DOCK8: variants seen among roughly 807,000 people sequenced by gnomAD.
DOCK8 encodes dedicator of cytokinesis protein 8.
A neutral mutation model predicts 245.6 loss-of-function variants in DOCK8; 141 were observed. The observed-to-expected ratio is 0.57, with a 90% confidence interval of 0.50 to 0.66. DOCK8 has a LOEUF of 0.66. Among genes scored for constraint, DOCK8 ranks in the 30% least tolerant of loss-of-function variants. The pLI is 0.00. For missense variants in DOCK8, 2,965 were observed against 2,603.4 expected, an observed-to-expected ratio of 1.14 and a Z score of -3.02; for synonymous variants, 1,168 against 970.2, an observed-to-expected ratio of 1.20 and a Z score of -3.79.
chr9:444,601 C>T (rs2057196057), intron 43 of DOCK8, among the ~76,000 whole-genome samples: 1 of 152,090 alleles, frequency 6.6e-6, no homozygotes, highest in Admixed American at 6.5e-5. Flanking sequence ...AATACAGTCT[C>T]CAGCCCCTCT....
At chr9:344,375 GTTC>G (rs1381964600) in intron 14 of DOCK8, among the ~76,000 whole-genome samples, 3 of 152,182 alleles carry the variant, frequency 2.0e-5, no homozygotes, top group Admixed American at 1.3e-4. Flanking sequence ...AATTTTTAGT[GTTC>G]TTCTCCAGTC....
chr9:420,604 C>G, intron 31 of DOCK8, 21 bp downstream of exon 31: 1 of 1,613,880 alleles, frequency 6.2e-7, no homozygotes, highest in Non-Finnish European at 8.5e-7. Flanking sequence ...AGTGGCACAA[C>G]TTTATACCAG....
intron 46 of DOCK8, among the ~76,000 whole-genome samples, chr9:454,854 C>T (rs942070592): frequency 1.3e-5 from 2 of 152,042 alleles, no homozygotes; most frequent in African/African-American, 2.4e-5. Context: ...AGCTCCCAGC[C>T]CCAGGAAAAG....
intron 1 of DOCK8, among the ~76,000 whole-genome samples, chr9:269,591 C>T (rs1013057736): frequency 4.1e-5 from 6 of 146,122 alleles, no homozygotes; most frequent in East Asian, 2.0e-4. Context: ...AGTCTTGCTC[C>T]GTCACCCAGG....
At chr9:376,186 CTT>C in intron 18 of DOCK8, 22 bp from the exon 19 acceptor site, 6 of 1,371,440 alleles carry the variant, frequency 4.4e-6, no homozygotes, top group Non-Finnish European at 6.1e-6. Flanking sequence ...GATTGCTAAT[CTT>C]TTTTTTTTCT....
chr9:400,863 C>CACCAT (rs2054977308), intron 26 of DOCK8, among the ~76,000 whole-genome samples: 5 of 78,468 alleles, frequency 6.4e-5, no homozygotes, highest in African/African-American at 8.9e-5. Flanking sequence ...ACCACCTCCT[C>CACCAT]CACCATCACC....
At chr9:417,928 G>A in intron 29 of DOCK8, 140 bp from the exon 30 acceptor site, 1 of 984,304 alleles carries the variant, frequency 1.0e-6, no homozygotes, top group African/African-American at 1.6e-5. Flanking sequence ...ATAGGTGATA[G>A]CAGATACATA....
intron 30 of DOCK8, among the ~76,000 whole-genome samples, chr9:419,002 C>CA (rs1171687682): frequency 2.0e-5 from 3 of 152,172 alleles, no homozygotes; most frequent in African/African-American, 7.2e-5. Flanking sequence ...TGTCCTTTTG[C>CA]ATGGACTCTG....
Position 271,616 on chromosome 9 carries a change from T to C in DOCK8, c.54-11T>C. On this transcript the variant is annotated splice_polypyrimidine_tract_variant and intron_variant, in intron 1 of 47. Coordinates refer to ENST00000432829, the MANE Select transcript of DOCK8 (RefSeq NM_203447.4). Reference sequence around the variant, plus strand: ...AATCATTTCATTTAGATTTTTCTATTTTAATCCAAGGTATTCTTCAGCGGA... The same window carrying C: ...AATCATTTCATTTAGATTTTTCTATCTTAATCCAAGGTATTCTTCAGCGGA... The C allele has an allele frequency of 6.6e-7, 1 of 1,523,054 alleles. No individual in the cohort carries two copies. The highest frequency in any genetic ancestry group is 8.9e-7 in the Non-Finnish European group (1 of 1,121,564). The allele number at this position is 1,523,054 out of a possible 1,614,324, so 94.3% of individuals were successfully genotyped here.
intron 1 of DOCK8, among the ~76,000 whole-genome samples, chr9:251,188 A>T (rs1023933273): frequency 6.6e-6 from 1 of 152,160 alleles, no homozygotes; most frequent in Non-Finnish European, 1.5e-5. Flanking sequence ...TGGTGCATTA[A>T]CAGATTTTGG....
intron 2 of DOCK8, among the ~76,000 whole-genome samples, chr9:285,781 G>A (rs1219190902): frequency 6.6e-6 from 1 of 152,282 alleles, no homozygotes; most frequent in South Asian, 2.1e-4. Flanking sequence ...TTATTTCAAA[G>A]TGAGTAAATT....
intron 15 of DOCK8, chr9:368,340 T>C (rs2053112715): frequency 1.4e-6 from 1 of 724,998 alleles, no homozygotes; most frequent in Non-Finnish European, 2.6e-6. Flanking sequence ...GCTTATTCTG[T>C]AGTGAGCTTG....
chr9:401,300 G>T (rs1366170987), intron 26 of DOCK8, among the ~76,000 whole-genome samples: 3 of 152,178 alleles, frequency 2.0e-5, no homozygotes, highest in Non-Finnish European at 2.9e-5. Flanking sequence ...CTTGGACAGG[G>T]TTACATAAGA....
intron 26 of DOCK8, among the ~76,000 whole-genome samples, chr9:400,377 CACCAT>C (rs1314100050): frequency 9.9e-4 from 35 of 35,282 alleles, no homozygotes; most frequent in Non-Finnish European, 2.0e-3. Flanking sequence ...CCACCTCCTT[CACCAT>C]CACCATCACC....
chr9:230,154 G>A (rs113210988), intron 1 of DOCK8, among the ~76,000 whole-genome samples: 9,981 of 149,718 alleles, frequency 0.067, 331 homozygotes, highest in African/African-American at 0.082. Flanking sequence ...AACATGCGGT[G>A]TTTGGTTTTT....
chr9:217,361 G>T (rs1441867453), intron 1 of DOCK8, among the ~76,000 whole-genome samples: 2 of 152,216 alleles, frequency 1.3e-5, no homozygotes, highest in African/African-American at 4.8e-5. Context: ...TAGGTATGGA[G>T]ATGCCAGTGG....
At chr9:400,828 C>G (rs2054958732) in intron 26 of DOCK8, among the ~76,000 whole-genome samples, 2 of 52,954 alleles carry the variant, frequency 3.8e-5, no homozygotes, top group Non-Finnish European at 6.5e-5. Flanking sequence ...CCTCCACCAT[C>G]ACCATCACCA....
chr9:303,388 A>G (rs1023560138), intron 4 of DOCK8, among the ~76,000 whole-genome samples: 1 of 152,206 alleles, frequency 6.6e-6, no homozygotes, highest in Non-Finnish European at 1.5e-5. Flanking sequence ...ATCAACCTAG[A>G]TGCCCATCGA....
intron 1 of DOCK8, among the ~76,000 whole-genome samples, chr9:231,503 T>C (rs2131374135): frequency 6.6e-6 from 1 of 152,292 alleles, no homozygotes; most frequent in East Asian, 1.9e-4. Context: ...GTATGGCCAT[T>C]TTCACGATAT....
Sources: gnomAD v4.1 joint callset for allele counts (sites outside exome capture counted in the v4.1 genomes callset) on GRCh38, gnomAD v4.1.1 for gene constraint, MANE v1.5 for transcripts, NCBI Gene and HGNC (gene_info 2026-07-23, HGNC 2026-07-21) for gene names.